The following MORN5 variants were observed in gnomAD, a reference collection of about 807,000 sequenced individuals.
The protein encoded by MORN5 is MORN repeat-containing protein 5.
In MORN5, 21 loss-of-function variants were observed where a neutral mutation model predicts 22.1. The ratio of observed to expected loss-of-function variants is 0.95; its 90% CI spans 0.67 to 1.37. The LOEUF (loss-of-function observed/expected upper bound fraction) is 1.37, where lower values mean the gene tolerates loss of function less well. Among genes scored for constraint, MORN5 ranks in the 40% most tolerant of loss-of-function variants. The pLI is 0.00. For synonymous variants in MORN5, 73 were observed against 74.0 expected, an observed-to-expected ratio of 0.99 and a Z score of 0.07; for missense variants, 211 against 215.1, an observed-to-expected ratio of 0.98 and a Z score of 0.12.
chr9:122,181,101 C>G (rs987908103), intron 4 of MORN5, among the ~76,000 whole-genome samples: 7 of 152,232 alleles, frequency 4.6e-5, no homozygotes, highest in African/African-American at 1.4e-4. Context: ...TCCAAGTTTT[C>G]AAAGCAGTTT....
chr9:122,193,306 G>A (rs965449777), intron 4 of MORN5, among the ~76,000 whole-genome samples: 6 of 152,234 alleles, frequency 3.9e-5, no homozygotes, highest in Non-Finnish European at 7.3e-5. Flanking sequence ...CAATTTGTCC[G>A]CCGGGCGCCG....
chr9:122,171,659 T>C (rs971978878), intron 3 of MORN5, among the ~76,000 whole-genome samples: 1 of 152,208 alleles, frequency 6.6e-6, no homozygotes, highest in Admixed American at 6.5e-5. Context: ...CCCACCGTGA[T>C]GGCTGCCTCA....
chr9:122,192,081 G>A (rs1018619224), intron 4 of MORN5, among the ~76,000 whole-genome samples: 1 of 152,238 alleles, frequency 6.6e-6, no homozygotes, highest in African/African-American at 2.4e-5. Flanking sequence ...CTGCTACAAA[G>A]ACGAGGAGGG....
chr9:122,186,305 G>C (rs1160058454), intron 4 of MORN5, among the ~76,000 whole-genome samples: 1 of 152,150 alleles, frequency 6.6e-6, no homozygotes, highest in Non-Finnish European at 1.5e-5. Flanking sequence ...GCTAGTAAAG[G>C]GAGGAACCAG....
At chr9:122,184,452 G>T (rs192622304) in intron 4 of MORN5, among the ~76,000 whole-genome samples, 2 of 152,256 alleles carry the variant, frequency 1.3e-5, no homozygotes, top group Admixed American at 1.3e-4. Context: ...GTTGAAAACT[G>T]GAAACATCCT....
chr9:122,195,991 G>T (rs531545053), intron 4 of MORN5, among the ~76,000 whole-genome samples: 10 of 56,464 alleles, frequency 1.8e-4, no homozygotes, highest in African/African-American at 1.7e-3. Flanking sequence ...TATTTATTTA[G>T]AGACAGGTTC....
intron 4 of MORN5, 91 bp from the exon 5 acceptor site, chr9:122,199,794 C>A: frequency 8.1e-7 from 1 of 1,241,888 alleles, no homozygotes; most frequent in South Asian, 1.2e-5. Flanking sequence ...ACGGACCATC[C>A]CAGTCCCAAC....
chr9:122,191,145 C>T (rs912508549), intron 4 of MORN5, among the ~76,000 whole-genome samples: 2 of 152,210 alleles, frequency 1.3e-5, no homozygotes, highest in African/African-American at 4.8e-5. Context: ...TGCCTCTGCT[C>T]TCTGCACGTG....
chr9:122,168,682 A>T (rs1257265257), intron 2 of MORN5, among the ~76,000 whole-genome samples: 11 of 152,200 alleles, frequency 7.2e-5, no homozygotes, highest in Non-Finnish European at 1.5e-4. Context: ...ATGTGTTTGG[A>T]CAAAGGGCCG....
chr9:122,187,974 G>A (rs188373328), intron 4 of MORN5, among the ~76,000 whole-genome samples: 2 of 152,320 alleles, frequency 1.3e-5, no homozygotes, highest in African/African-American at 4.8e-5. Flanking sequence ...AAGGTCCAGA[G>A]AGATGCAGGG....
chr9:122,160,975 A>G lies in MORN5; in HGVS notation c.47+956A>G, dbSNP rs7847544. 1.7e-3 allele frequency among the ~76,000 whole-genome samples: 266 copies of G among 152,344 alleles called. 2 individuals are homozygous for G. Among genetic ancestry groups the G allele is most frequent in the African/African-American group, 6.1e-3 (252 of 41,570 alleles). ...TCTTCAGAAAGTTCATTCAAACATG[A>G]TGCGACAAGTAGACATAACAGATAA... On this transcript the variant is annotated intron_variant, in intron 1 of 4. Transcript: ENST00000373764.
At chr9:122,173,638 C>T (rs1439757238) in intron 3 of MORN5, among the ~76,000 whole-genome samples, 1 of 152,130 alleles carries the variant, frequency 6.6e-6, no homozygotes, top group Non-Finnish European at 1.5e-5. Context: ...CCAACCTCTC[C>T]CTTTACTTGA....
At chr9:122,183,611 A>G (rs953670466) in intron 4 of MORN5, among the ~76,000 whole-genome samples, 1 of 152,214 alleles carries the variant, frequency 6.6e-6, no homozygotes, top group African/African-American at 2.4e-5. Flanking sequence ...TCTCAGTACC[A>G]TCCTCAAAGA....
At chr9:122,181,762 A>G (rs1829541225) in intron 4 of MORN5, among the ~76,000 whole-genome samples, 1 of 152,206 alleles carries the variant, frequency 6.6e-6, no homozygotes, top group Non-Finnish European at 1.5e-5. Context: ...TTGGAGCCTC[A>G]GTCTCCTCAT....
intron 4 of MORN5, among the ~76,000 whole-genome samples, chr9:122,183,801 T>C (rs898403647): frequency 6.6e-6 from 1 of 152,198 alleles, no homozygotes; most frequent in African/African-American, 2.4e-5. Context: ...CTCTTCAAAA[T>C]AGCACCAACT....
chr9:122,178,435 GCCGAGAT>G (rs1829486374), intron 4 of MORN5, among the ~76,000 whole-genome samples: 3 of 152,108 alleles, frequency 2.0e-5, no homozygotes, highest in African/African-American at 7.2e-5. Context: ...GTTGTGGTGA[GCCGAGAT>G]CCGCCACTGC....
At chr9:122,198,203 A>G (rs548316116) in intron 4 of MORN5, among the ~76,000 whole-genome samples, 1 of 152,314 alleles carries the variant, frequency 6.6e-6, no homozygotes, top group East Asian at 1.9e-4. Context: ...CCAAGCACAC[A>G]TAGGCTGTCT....
rs974558722 is a variant in MORN5 at position 122,197,753 on chromosome 9, C to T, written c.440-2132C>T. Among the ~76,000 whole-genome samples, 1 of 152,200 alleles carries T rather than the reference C, an allele frequency of 6.6e-6. No homozygotes were observed. Among genetic ancestry groups the T allele is most frequent in the Non-Finnish European group, 1.5e-5 (1 of 68,038 alleles). On this transcript the variant is annotated intron_variant, in intron 4 of 4. Coordinates refer to ENST00000373764, the MANE Select transcript of MORN5 (RefSeq NM_198469.4). The surrounding 1 kb of genome is among the most constrained non-coding windows in gnomAD (Gnocchi z 5.7). Reference sequence around the variant, plus strand: ...TGAAGAGGTTGCAGCTGCACTGATTCGAATAGCCTGGAGACTTCAGAACTG... The same window carrying T: ...TGAAGAGGTTGCAGCTGCACTGATTTGAATAGCCTGGAGACTTCAGAACTG...
intron 3 of MORN5, 99 bp from the exon 4 acceptor site, chr9:122,174,397 A>T: frequency 7.2e-7 from 1 of 1,385,124 alleles, no homozygotes; most frequent in Non-Finnish European, 1.0e-6. Flanking sequence ...GGGGAGCCAG[A>T]TAGTCACATG....
Sources: allele counts gnomAD v4.1 joint callset (sites outside exome capture counted in the v4.1 genomes callset), GRCh38; gene constraint gnomAD v4.1.1; non-coding constraint Gnocchi (gnomAD v3.1); transcripts MANE v1.5; gene names NCBI Gene and HGNC (gene_info 2026-07-23, HGNC 2026-07-21).